The following SDK2 variants were observed in gnomAD, a reference collection of about 807,000 sequenced individuals.
The protein encoded by SDK2 is protein sidekick-2.
SDK2 carries 105 observed loss-of-function variants against 253.9 expected under a neutral mutation model. The observed-to-expected ratio is 0.41, with a 90% CI of 0.35 to 0.49. The LOEUF (loss-of-function observed/expected upper bound fraction) is 0.49, where lower values mean the gene tolerates loss of function less well. Among genes scored for constraint, SDK2 ranks in the 20% least tolerant of loss-of-function variants. The pLI is 0.06. For synonymous variants in SDK2, 1,249 were observed against 1,234.9 expected, an observed-to-expected ratio of 1.01 and a Z score of -0.24; for missense variants, 2,608 against 3,003.0, an observed-to-expected ratio of 0.87 and a Z score of 3.07.
chr17:73,477,720 C>T (rs1231184546), intron 2 of SDK2, among the ~76,000 whole-genome samples: 1 of 152,140 alleles, frequency 6.6e-6, no homozygotes, highest in African/African-American at 2.4e-5. Flanking sequence ...CAGCCAAGCA[C>T]TAGGGGAGCA....
At chr17:73,414,503 C>T in intron 18 of SDK2, 141 bp downstream of exon 18, 1 of 661,582 alleles carries the variant, frequency 1.5e-6, no homozygotes, top group South Asian at 1.8e-5. Context: ...CTCTTTTCCT[C>T]TAATGTGTGT....
At chr17:73,461,922 G>A (rs1187042128) in intron 3 of SDK2, among the ~76,000 whole-genome samples, 1 of 151,672 alleles carries the variant, frequency 6.6e-6, no homozygotes, top group Admixed American at 6.6e-5. Context: ...TCTGTATGGT[G>A]GAATGGATGG....
At chr17:73,420,518 A>G (rs894083939) in intron 15 of SDK2, among the ~76,000 whole-genome samples, 4 of 151,542 alleles carry the variant, frequency 2.6e-5, no homozygotes, top group African/African-American at 9.7e-5. Context: ...TTTAGTAGAG[A>G]CGGGGTTTCA....
chr17:73,415,350 CTTTTTTT>C (rs35201251), intron 17 of SDK2, among the ~76,000 whole-genome samples: 6 of 122,126 alleles, frequency 4.9e-5, no homozygotes, highest in Admixed American at 8.4e-5. Context: ...TTTCATTTCA[CTTTTTTT>C]TTTTTTTTTT....
At position 73,616,012 on chromosome 17, in the gene SDK2, G is replaced by A. The variant is rs2046050777; in HGVS notation, c.64+28013C>T. Among the ~76,000 whole-genome samples, 1 of 151,950 alleles carries A rather than the reference G, an allele frequency of 6.6e-6. No individual in the cohort carries two copies. The highest frequency in any genetic ancestry group is 6.6e-5 in the Admixed American group (1 of 15,266). ...ATACACGTACACACGCATGCATGTA[G>A]ACACATATGCATATACACATGAACA... On this transcript the variant is annotated intron_variant, in intron 1 of 44. Coordinates refer to ENST00000392650, the MANE Select transcript of SDK2 (RefSeq NM_001144952.2). The surrounding 1 kb of genome is among the most constrained non-coding windows in gnomAD (Gnocchi z 5.2).
At chr17:73,392,220 T>A (rs560662599) in intron 27 of SDK2, among the ~76,000 whole-genome samples, 2 of 1,184 alleles carry the variant, frequency 1.7e-3, no homozygotes, top group South Asian at 0.025. Context: ...GGAGGGGCAC[T>A]CTTCTGTGTT....
intron 32 of SDK2, among the ~76,000 whole-genome samples, chr17:73,385,332 T>C (rs1253492099): frequency 6.6e-6 from 1 of 152,030 alleles, no homozygotes; most frequent in Non-Finnish European, 1.5e-5. Context: ...AGAGTGGGCA[T>C]CTGGAAGGGG....
At chr17:73,548,475 G>C (rs1391225415) in intron 1 of SDK2, among the ~76,000 whole-genome samples, 1 of 152,252 alleles carries the variant, frequency 6.6e-6, no homozygotes, top group East Asian at 1.9e-4. Flanking sequence ...CTAGGCACAG[G>C]ATGATTATTC....
chr17:73,543,720 A>C (rs1160670687), intron 1 of SDK2, among the ~76,000 whole-genome samples: 2 of 152,230 alleles, frequency 1.3e-5, no homozygotes, highest in Non-Finnish European at 2.9e-5. Context: ...ACCCTCTTCC[A>C]GAGTCCAGCC....
chr17:73,426,312 C>A (rs1312218910), intron 12 of SDK2, among the ~76,000 whole-genome samples: 2 of 150,414 alleles, frequency 1.3e-5, no homozygotes, highest in South Asian at 2.1e-4. Context: ...GGTGATCCGC[C>A]TGCCTCTGCC....
At chr17:73,456,115 C>G in intron 3 of SDK2, 62 bp from the exon 4 acceptor site, 18 of 1,416,346 alleles carry the variant, frequency 1.3e-5, no homozygotes, top group Non-Finnish European at 1.7e-5. Flanking sequence ...GACTGCCCAG[C>G]TCCCAGGTTG....
chr17:73,394,201 G>T lies in SDK2; in HGVS notation c.3708+8C>A. 1 of 1,522,546 alleles carries T rather than the reference G, an allele frequency of 6.6e-7. No homozygotes were observed. Among genetic ancestry groups the T allele is most frequent in the Non-Finnish European group, 8.9e-7 (1 of 1,126,150 alleles). The allele number at this position is 1,522,546 out of a possible 1,614,324, so 94.3% of individuals were successfully genotyped here. On this transcript the variant is annotated splice_region_variant and intron_variant, in intron 26 of 44. Coordinates refer to ENST00000392650, the MANE Select transcript of SDK2 (RefSeq NM_001144952.2). ...AGGGACCCCACCTCCTGGGATCCCGGGACTCACCTTATAGCCCAGCACGAG... is the reference window on the plus strand; with the variant it reads ...AGGGACCCCACCTCCTGGGATCCCGTGACTCACCTTATAGCCCAGCACGAG...
At chr17:73,615,620 G>T (rs898677726) in intron 1 of SDK2, among the ~76,000 whole-genome samples, 2 of 152,166 alleles carry the variant, frequency 1.3e-5, no homozygotes, top group Non-Finnish European at 2.9e-5. Flanking sequence ...TGACCCCAGG[G>T]TCTGATGGTG....
At chr17:73,627,104 G>A (rs982992402) in intron 1 of SDK2, among the ~76,000 whole-genome samples, 1 of 152,168 alleles carries the variant, frequency 6.6e-6, no homozygotes, top group African/African-American at 2.4e-5. Context: ...CTAGTTGCTA[G>A]GATGGTCACC....
intron 18 of SDK2, among the ~76,000 whole-genome samples, chr17:73,406,246 CT>C (rs56122304): frequency 7.2e-4 from 100 of 139,770 alleles, no homozygotes; most frequent in African/African-American, 1.1e-3. Flanking sequence ...CTACTACACT[CT>C]TTTTTTTTTT....
At chr17:73,622,740 T>C (rs2046149091) in intron 1 of SDK2, among the ~76,000 whole-genome samples, 1 of 152,220 alleles carries the variant, frequency 6.6e-6, no homozygotes, top group African/African-American at 2.4e-5. Flanking sequence ...CTTCAGTGGA[T>C]TTCCTAGATC....
chr17:73,558,426 G>A (rs986932306), intron 1 of SDK2, among the ~76,000 whole-genome samples: 3 of 151,818 alleles, frequency 2.0e-5, no homozygotes, highest in Non-Finnish European at 4.4e-5. Context: ...GGGAAGGAGG[G>A]AGGGAGGAAG....
chr17:73,496,109 T>C lies in SDK2; in HGVS notation c.224+11329A>G, dbSNP rs1312562580. Among the ~76,000 whole-genome samples, 2 of 151,948 alleles carry C rather than the reference T, an allele frequency of 1.3e-5. No individual in the cohort carries two copies. Among genetic ancestry groups the C allele is most frequent in the African/African-American group, 2.4e-5 (1 of 41,376 alleles). ...GGAACCGTGGCCAGGAAGAATGAGGTGGGAGGAGCCTGCCCTGCTGGGTGG... is the reference window on the plus strand; with the variant it reads ...GGAACCGTGGCCAGGAAGAATGAGGCGGGAGGAGCCTGCCCTGCTGGGTGG... On this transcript the variant is annotated intron_variant, in intron 2 of 44. Coordinates refer to ENST00000392650, the MANE Select transcript of SDK2 (RefSeq NM_001144952.2). The surrounding 1 kb of genome is among the most constrained non-coding windows in gnomAD (Gnocchi z 4.7).
intron 1 of SDK2, chr17:73,521,094 G>A (rs1015082028): frequency 1.3e-5 from 2 of 149,456 alleles, no homozygotes; most frequent in Non-Finnish European, 3.0e-5. Flanking sequence ...AGGCGGGAGT[G>A]TGGTGGTGCA....
Sources: allele counts gnomAD v4.1 joint callset (sites outside exome capture counted in the v4.1 genomes callset), GRCh38; gene constraint gnomAD v4.1.1; non-coding constraint Gnocchi (gnomAD v3.1); transcripts MANE v1.5; gene names NCBI Gene and HGNC (gene_info 2026-07-23, HGNC 2026-07-21).